SNTG1: variants seen among roughly 807,000 people sequenced by gnomAD.
SNTG1 encodes gamma-1-syntrophin.
In SNTG1, 39 loss-of-function variants were observed where a neutral mutation model predicts 74.7. The ratio of observed to expected loss-of-function variants is 0.52; its 90% CI spans 0.40 to 0.68. The LOEUF is 0.68. SNTG1 is among the 30% of genes least tolerant of loss of function. SNTG1 has a pLI of 0.00. For missense variants in SNTG1, 685 were observed against 609.5 expected (o/e 1.12, Z -1.30); for synonymous variants, 254 against 217.1 (o/e 1.17, Z -1.49).
At chr8:50,719,289 G>A (rs575484423) in intron 17 of SNTG1, among the ~76,000 whole-genome samples, 42 of 152,146 alleles carry the variant, frequency 2.8e-4, no homozygotes, top group Non-Finnish European at 5.0e-4. Flanking sequence ...CTGTCCTCAT[G>A]AGTGGAATTA....
At chr8:50,728,190 C>A (rs2095504676) in intron 17 of SNTG1, among the ~76,000 whole-genome samples, 2 of 152,142 alleles carry the variant, frequency 1.3e-5, no homozygotes, top group African/African-American at 4.8e-5. Context: ...TTCCACCACA[C>A]CTTGGGGGTG....
chr8:50,640,665 C>T (rs964066790), intron 13 of SNTG1, among the ~76,000 whole-genome samples: 2 of 152,112 alleles, frequency 1.3e-5, no homozygotes, highest in African/African-American at 4.8e-5. Flanking sequence ...TCTTTCAGTA[C>T]TTTCCATATG....
At chr8:50,763,893 ACACACACACAC>A (rs1563817592) in intron 18 of SNTG1, among the ~76,000 whole-genome samples, 13 of 117,222 alleles carry the variant, frequency 1.1e-4, no homozygotes, top group African/African-American at 7.0e-4. Context: ...ACACACACAC[ACACACACACAC>A]ACAAAAATAA....
At chr8:50,667,257 G>T (rs1000376030) in intron 15 of SNTG1, among the ~76,000 whole-genome samples, 2 of 152,030 alleles carry the variant, frequency 1.3e-5, no homozygotes, top group Non-Finnish European at 2.9e-5. Context: ...TCAATGGCAG[G>T]TATTAGTAGA....
chr8:50,691,303 G>C (rs1439079231), intron 15 of SNTG1, among the ~76,000 whole-genome samples: 1 of 152,088 alleles, frequency 6.6e-6, no homozygotes, highest in Non-Finnish European at 1.5e-5. Context: ...GATGTTAGCT[G>C]GTTATTTTGC....
intron 1 of SNTG1, among the ~76,000 whole-genome samples, chr8:49,973,591 G>A (rs1462377482): frequency 6.6e-6 from 1 of 151,746 alleles, no homozygotes; most frequent in Non-Finnish European, 1.5e-5. Context: ...GGTGAGTCTT[G>A]GCTTTCATTA....
chr8:50,760,518 A>G (rs935970047), intron 18 of SNTG1, among the ~76,000 whole-genome samples: 2 of 152,014 alleles, frequency 1.3e-5, no homozygotes, highest in Non-Finnish European at 2.9e-5. Flanking sequence ...TGTTCCATCA[A>G]TAACTAGTTT....
At chr8:50,305,972 T>C (rs1283357839) in intron 2 of SNTG1, among the ~76,000 whole-genome samples, 1 of 151,956 alleles carries the variant, frequency 6.6e-6, no homozygotes. Context: ...ATAAATTTTG[T>C]AATGAATTCT....
intron 15 of SNTG1, among the ~76,000 whole-genome samples, chr8:50,686,169 C>T (rs1236954547): frequency 6.6e-6 from 1 of 152,108 alleles, no homozygotes; most frequent in Non-Finnish European, 1.5e-5. Context: ...TTAATATTCA[C>T]AGGAACTTAA....
intron 13 of SNTG1, among the ~76,000 whole-genome samples, chr8:50,654,532 C>G (rs554454408): frequency 6.6e-6 from 1 of 152,276 alleles, no homozygotes; most frequent in African/African-American, 2.4e-5. Flanking sequence ...ATTCCAATAT[C>G]TGAAATGCCT....
chr8:49,938,557 G>GTTTTCTTTTCTTTTCTTTTC lies in SNTG1; in HGVS notation c.-103+26360_-103+26379dup, dbSNP rs1417018491. 2.5e-3 allele frequency among the ~76,000 whole-genome samples: 317 copies of GTTTTCTTTTCTTTTCTTTTC among 127,162 alleles called. 6 individuals carry two copies. The highest frequency in any genetic ancestry group is 8.5e-3 in the Middle Eastern group (2 of 236). The allele number at this position is 127,162 out of a possible 152,430, so 83.4% of individuals were successfully genotyped here. On this transcript the variant is annotated intron_variant, in intron 1 of 18. Transcript: ENST00000642720. Reference sequence around the variant, plus strand: ...ATCTTACCATGCCTTCTTTTCTTTTGTTTTCTTTTCTTTTCTTTTCTTTTC... The same window carrying GTTTTCTTTTCTTTTCTTTTC: ...ATCTTACCATGCCTTCTTTTCTTTTGTTTTCTTTTCTTTTCTTTTCTTTTCTTTTCTTTTCTTTTCTTTTC...
intron 13 of SNTG1, among the ~76,000 whole-genome samples, chr8:50,643,551 G>A (rs1159887538): frequency 6.6e-6 from 1 of 152,132 alleles, no homozygotes; most frequent in Non-Finnish European, 1.5e-5. Flanking sequence ...CTTCCCGAAA[G>A]TGAAGATTAC....
intron 12 of SNTG1, among the ~76,000 whole-genome samples, chr8:50,582,284 T>A (rs2094615211): frequency 6.6e-6 from 1 of 152,216 alleles, no homozygotes; most frequent in Non-Finnish European, 1.5e-5. Flanking sequence ...CAAATATTAA[T>A]TGAGCACCTA....
chr8:50,791,411 A>G (rs1316396437), intron 18 of SNTG1, among the ~76,000 whole-genome samples: 3 of 151,872 alleles, frequency 2.0e-5, no homozygotes, highest in African/African-American at 7.2e-5. Flanking sequence ...GAAGGTTTCA[A>G]GGGAGCTACT....
At chr8:50,568,250 T>TGC (rs1563587321) in intron 12 of SNTG1, among the ~76,000 whole-genome samples, 5 of 152,048 alleles carry the variant, frequency 3.3e-5, no homozygotes, top group African/African-American at 1.2e-4. Flanking sequence ...TGTGTGTGTG[T>TGC]GTGCTATCTA....
At chr8:50,121,663 T>C (rs2081001287) in intron 1 of SNTG1, among the ~76,000 whole-genome samples, 1 of 141,892 alleles carries the variant, frequency 7.0e-6, no homozygotes. Context: ...TTTAAACCAA[T>C]GTGTTACAAC....
intron 2 of SNTG1, among the ~76,000 whole-genome samples, chr8:50,323,460 A>G (rs1186158228): frequency 6.6e-6 from 1 of 152,148 alleles, no homozygotes; most frequent in Non-Finnish European, 1.5e-5. Flanking sequence ...GTCTTCTCAG[A>G]TTGGGCTTGT....
chr8:50,623,313 C>T (rs564510289), intron 13 of SNTG1, among the ~76,000 whole-genome samples: 2 of 152,088 alleles, frequency 1.3e-5, no homozygotes, highest in Non-Finnish European at 2.9e-5. Context: ...GGTTGTTATA[C>T]ATGGCCTTTG....
chr8:50,303,006 T>C (rs565951839), intron 2 of SNTG1, among the ~76,000 whole-genome samples: 2 of 152,350 alleles, frequency 1.3e-5, no homozygotes, highest in African/African-American at 4.8e-5. Flanking sequence ...AAATAACTAA[T>C]GAATGTATTC....
Sources: gnomAD v4.1 joint callset for allele counts (sites outside exome capture counted in the v4.1 genomes callset) on GRCh38, gnomAD v4.1.1 for gene constraint, MANE v1.5 for transcripts, NCBI Gene and HGNC (gene_info 2026-07-23, HGNC 2026-07-21) for gene names.